Variants in NIBAN1 observed in about 807,000 individuals in gnomAD.
The protein encoded by NIBAN1 is niban apoptosis regulator 1.
Under a neutral mutation model 75.1 loss-of-function variants are expected in NIBAN1, and 81 were observed. The ratio of observed to expected loss-of-function variants is 1.08; its 90% CI spans 0.90 to 1.30. NIBAN1 has a LOEUF of 1.30. NIBAN1 is among the 50% of genes most tolerant of loss of function. NIBAN1 has a pLI of 0.00. For missense variants in NIBAN1, 1,133 were observed against 1,128.1 expected (o/e 1.00, Z -0.06); for synonymous variants, 436 against 424.8 (o/e 1.03, Z -0.32).
At chr1:184,821,624 A>G (rs1226893360) in intron 8 of NIBAN1, 1 of 152,236 alleles carries the variant, frequency 6.6e-6, no homozygotes, top group Non-Finnish European at 1.5e-5. Context: ...GCAAAGGATG[A>G]CAATTTAGTT....
At chr1:184,829,628 G>C (rs922348936) in intron 6 of NIBAN1, among the ~76,000 whole-genome samples, 13 of 151,948 alleles carry the variant, frequency 8.6e-5, no homozygotes, top group Admixed American at 6.6e-5. Context: ...ACCATGCCCA[G>C]CTAATTTTTT....
intron 1 of NIBAN1, among the ~76,000 whole-genome samples, chr1:184,973,107 A>G (rs538057842): frequency 1.2e-4 from 19 of 152,228 alleles, no homozygotes; most frequent in Non-Finnish European, 2.8e-4. Flanking sequence ...ACTAATATAA[A>G]TAAATCATCC....
intron 5 of NIBAN1, among the ~76,000 whole-genome samples, chr1:184,866,674 A>G (rs1655966179): frequency 6.6e-6 from 1 of 152,214 alleles, no homozygotes; most frequent in South Asian, 2.1e-4. Context: ...TGAAGAGAAC[A>G]GTACTGTGTT....
chr1:184,834,339 A>G (rs1020002452), intron 5 of NIBAN1, among the ~76,000 whole-genome samples: 1 of 152,218 alleles, frequency 6.6e-6, no homozygotes, highest in African/African-American at 2.4e-5. Flanking sequence ...GTGTCTTTAC[A>G]GTAACATGAT....
At chr1:184,861,302 T>A (rs1655808603) in intron 5 of NIBAN1, among the ~76,000 whole-genome samples, 1 of 152,248 alleles carries the variant, frequency 6.6e-6, no homozygotes, top group African/African-American at 2.4e-5. Flanking sequence ...GTCCCTCTTA[T>A]AATTTCTTGG....
intron 2 of NIBAN1, among the ~76,000 whole-genome samples, chr1:184,897,504 G>C (rs745613696): frequency 2.0e-5 from 3 of 152,080 alleles, no homozygotes; most frequent in Non-Finnish European, 4.4e-5. Flanking sequence ...CCAGTGTACT[G>C]TTTCTTTTCT....
At chr1:184,916,265 T>C (rs939535764) in intron 1 of NIBAN1, among the ~76,000 whole-genome samples, 5 of 152,156 alleles carry the variant, frequency 3.3e-5, no homozygotes, top group African/African-American at 1.2e-4. Context: ...GATATCGATG[T>C]AGGGGAACGA....
intron 1 of NIBAN1, among the ~76,000 whole-genome samples, chr1:184,965,222 C>G (rs572641252): frequency 6.6e-6 from 1 of 151,920 alleles, no homozygotes; most frequent in Non-Finnish European, 1.5e-5. Flanking sequence ...TGGCGTGAAC[C>G]CGGGAATTGG....
intron 5 of NIBAN1, among the ~76,000 whole-genome samples, chr1:184,855,924 G>A (rs557797168): frequency 2.2e-4 from 33 of 152,274 alleles, no homozygotes; most frequent in South Asian, 1.0e-3. Flanking sequence ...GTTTCTAGCC[G>A]ATTGGTAAGT....
intron 6 of NIBAN1, among the ~76,000 whole-genome samples, chr1:184,825,729 C>G (rs1370289933): frequency 6.6e-6 from 1 of 152,180 alleles, no homozygotes; most frequent in Non-Finnish European, 1.5e-5. Context: ...AGCAGCTTTG[C>G]TGTTCAGATT....
intron 1 of NIBAN1, among the ~76,000 whole-genome samples, chr1:184,945,589 G>C (rs978067779): frequency 6.6e-6 from 1 of 152,174 alleles, no homozygotes; most frequent in Non-Finnish European, 1.5e-5. Context: ...TCAAAGAGTA[G>C]CGAGTGAATA....
intron 1 of NIBAN1, among the ~76,000 whole-genome samples, chr1:184,901,767 G>A (rs1014788194): frequency 2.6e-5 from 4 of 152,134 alleles, no homozygotes; most frequent in African/African-American, 9.7e-5. Context: ...TTCTGGTGAG[G>A]TGCCATAATG....
chr1:184,894,298 A>C, intron 2 of NIBAN1, 92 bp from the exon 3 acceptor site: 5 of 1,333,616 alleles, frequency 3.7e-6, no homozygotes, highest in Non-Finnish European at 4.9e-6. Flanking sequence ...GGAATAGTTT[A>C]GGAAACTATC....
chr1:184,898,742 T>G (rs967443368), intron 2 of NIBAN1, among the ~76,000 whole-genome samples: 2 of 152,260 alleles, frequency 1.3e-5, no homozygotes, highest in Non-Finnish European at 2.9e-5. Flanking sequence ...AGAGAACTTG[T>G]CTTAATTCCC....
At chr1:184,818,496 A>G in intron 9 of NIBAN1, 142 bp downstream of exon 9, 1 of 781,948 alleles carries the variant, frequency 1.3e-6, no homozygotes. Context: ...AACGGAAGAA[A>G]GGCTGGATGA....
chr1:184,877,823 T>C (rs1656270880), intron 5 of NIBAN1, among the ~76,000 whole-genome samples: 1 of 152,202 alleles, frequency 6.6e-6, no homozygotes, highest in African/African-American at 2.4e-5. Flanking sequence ...TGAAAGCTAT[T>C]CAGGCTTTGC....
chr1:184,859,170 G>GTA (rs1219896008), intron 5 of NIBAN1, among the ~76,000 whole-genome samples: 3 of 151,724 alleles, frequency 2.0e-5, no homozygotes, highest in Admixed American at 6.6e-5. Context: ...TTGTGTGTAT[G>GTA]TATATATATG....
chr1:184,803,909 T>C (rs951699722), intron 11 of NIBAN1, among the ~76,000 whole-genome samples: 6 of 152,152 alleles, frequency 3.9e-5, no homozygotes, highest in Admixed American at 3.9e-4. Flanking sequence ...CTTTTACAGG[T>C]ATGGAAACTG....
rs113049406 is a variant in NIBAN1, at chr1:184,839,545, CTG to C, written c.602-7585_602-7584del. Among the ~76,000 whole-genome samples the C allele has an allele frequency of 6.5e-3, 967 of 148,628 alleles. 15 individuals carry two copies. Among genetic ancestry groups the C allele is most frequent in the African/African-American group, 0.018 (741 of 40,328 alleles). On this transcript the variant is annotated intron_variant, in intron 5 of 13. Transcript: ENST00000367511. ...GATTTCACCAGTTTTACATGCATTC[CTG>C]TGTGTGTGTGTGTGTGTGCACGCGC... is the stretch of plus-strand genomic sequence containing the variant.
Sources: allele counts gnomAD v4.1 joint callset (sites outside exome capture counted in the v4.1 genomes callset), GRCh38; gene constraint gnomAD v4.1.1; transcripts MANE v1.5; gene names NCBI Gene and HGNC (gene_info 2026-07-23, HGNC 2026-07-21).